DZIP1: variants seen among roughly 807,000 people sequenced by gnomAD.
The protein encoded by DZIP1 is cilium assembly protein DZIP1.
DZIP1 carries 97 observed loss-of-function variants against 107.6 expected under a neutral mutation model. That is an observed-to-expected ratio of 0.90 (90% confidence interval 0.77 to 1.07). The LOEUF is 1.07. Ranked by LOEUF, DZIP1 falls within the 50% of genes least tolerant of loss-of-function variation. DZIP1 has a pLI of 0.00. For missense variants in DZIP1, 1,035 were observed against 1,063.6 expected (o/e 0.97, Z 0.37); for synonymous variants, 390 against 386.4 (o/e 1.01, Z -0.11).
intron 8 of DZIP1, 32 bp downstream of exon 8, chr13:95,624,736 A>G: frequency 1.3e-6 from 2 of 1,563,854 alleles, no homozygotes; most frequent in South Asian, 2.3e-5. Context: ...AAGGCAATCA[A>G]TACCATAAGA....
chr13:95,610,590 G>A (rs1233756730), intron 12 of DZIP1, among the ~76,000 whole-genome samples: 10 of 152,254 alleles, frequency 6.6e-5, no homozygotes, highest in Admixed American at 5.9e-4. Flanking sequence ...TTACAAATGT[G>A]AGCAACTGTG....
At chr13:95,610,010 T>A (rs1031654893) in intron 12 of DZIP1, among the ~76,000 whole-genome samples, 1 of 152,080 alleles carries the variant, frequency 6.6e-6, no homozygotes, top group African/African-American at 2.4e-5. Flanking sequence ...TCTCTTTTTT[T>A]ATTTCTTTTG....
In DZIP1 at chr13:95,609,628, T is replaced by C. The variant is rs138283210; in HGVS notation, c.1364-115A>G. ...AAAACATAAATGAAATGTACCAATA[T>C]ATAGCACATCACCAGGAGAATAAAT... On this transcript the variant is annotated intron_variant, in intron 12 of 22. Transcript: ENST00000376829. 3.7e-3 allele frequency: 2,005 copies of C among 549,180 alleles called. 32 individuals are homozygous for C. The highest frequency in any genetic ancestry group is 0.035 in the African/African-American group (1,806 of 51,352). The allele number at this position is 549,180 out of a possible 1,614,324, so 34.0% of individuals were successfully genotyped here.
At chr13:95,618,937 G>A (rs1875479901) in intron 10 of DZIP1, among the ~76,000 whole-genome samples, 1 of 152,126 alleles carries the variant, frequency 6.6e-6, no homozygotes, top group Non-Finnish European at 1.5e-5. Flanking sequence ...TTGCACTAGT[G>A]TAAACACATT....
At chr13:95,620,086 C>T in intron 9 of DZIP1, 139 bp from the exon 10 acceptor site, 3 of 817,076 alleles carry the variant, frequency 3.7e-6, no homozygotes, top group Admixed American at 2.5e-5. Flanking sequence ...CAGTTTGGCT[C>T]TCGGTCCCCA....
chr13:95,631,751 T>C (rs1295437932), intron 6 of DZIP1, among the ~76,000 whole-genome samples: 1 of 152,110 alleles, frequency 6.6e-6, no homozygotes, highest in Non-Finnish European at 1.5e-5. Flanking sequence ...CACATTTCTG[T>C]CCAGATGAAG....
Position 95,581,941 on chromosome 13 carries a change from TAACAC to T in DZIP1, c.*288_*292del, listed in dbSNP as rs2044019432. On this transcript the variant is annotated 3_prime_UTR_variant, in exon 23 of 23. Transcript: ENST00000376829. ...AAAAATTAGTTGAAAAAAATACACT[TAACAC>T]TAGAGTACCTTTCTGAAGAAAAAAC... 3.9e-6 allele frequency: 1 copy of T among 258,840 alleles called. No individual in the cohort carries two copies. The highest frequency in any genetic ancestry group is 2.2e-5 in the African/African-American group (1 of 45,302). The allele number at this position is 258,840 out of a possible 1,614,324, so 16.0% of individuals were successfully genotyped here.
At position 95,630,020 on chromosome 13, in the gene DZIP1, G is replaced by C; in HGVS notation, c.779C>G (p.Ala260Gly). The C allele has an allele frequency of 6.2e-7, 1 of 1,613,492 alleles. No individual in the cohort carries two copies. Among genetic ancestry groups the C allele is most frequent in the Non-Finnish European group, 8.5e-7 (1 of 1,179,778 alleles). ...LQLTRSELEAAHHASAVRFSK... is the reference protein window; with the variant it reads ...LQLTRSELEAGHHASAVRFSK... Reference sequence around the variant, plus strand: ...GAATCTGACTGCACTGGCATGGTGTGCAGCCTCTAGCTCAGACCTGGTGAG... The same window carrying C: ...GAATCTGACTGCACTGGCATGGTGTCCAGCCTCTAGCTCAGACCTGGTGAG... The change falls in exon 7 of 23, where the codon GCA becomes GGA. Residue 260 changes from alanine (A) to glycine (G), a missense_variant. Coordinates refer to ENST00000376829, the MANE Select transcript of DZIP1 (RefSeq NM_198968.4).
chr13:95,633,973 C>T (rs1877507127), intron 5 of DZIP1, among the ~76,000 whole-genome samples: 1 of 152,126 alleles, frequency 6.6e-6, no homozygotes, highest in Admixed American at 6.6e-5. Context: ...GGCATTCCTC[C>T]CAAACTGAAG....
rs1309096694 is a variant in DZIP1, at chr13:95,633,452, G to C, written c.598-131C>G. On this transcript the variant is annotated intron_variant, in intron 5 of 22. Coordinates refer to ENST00000376829, the MANE Select transcript of DZIP1 (RefSeq NM_198968.4). ...AATCCCAGCACTTTAGGAGGTCAAG[G>C]TAGGCAGATCACCCAAGGTTAGAAG... 5 of 710,180 alleles carry C rather than the reference G, an allele frequency of 7.0e-6. No homozygotes were observed. In the African/African-American group the frequency reaches 9.0e-5, roughly 13 times the overall value. 44.0% of individuals were successfully genotyped at this position (710,180 alleles called of 1,614,324 possible).
chr13:95,582,229 T>G lies in DZIP1; in HGVS notation c.*5A>C, dbSNP rs780528551. On this transcript the variant is annotated 3_prime_UTR_variant, in exon 23 of 23. Coordinates refer to ENST00000376829, the MANE Select transcript of DZIP1 (RefSeq NM_198968.4). ...GCTTCTGGAATAATCTTCTGACATGTGGAATTAGACATCTGAAGTGTCGCT... is the reference window on the plus strand; with the variant it reads ...GCTTCTGGAATAATCTTCTGACATGGGGAATTAGACATCTGAAGTGTCGCT... 16 of 1,613,500 alleles carry G rather than the reference T, an allele frequency of 9.9e-6. No individual in the cohort carries two copies. Among genetic ancestry groups the G allele is most frequent in the Non-Finnish European group, 1.4e-5 (16 of 1,179,444 alleles).
At chr13:95,604,875 C>A (rs1233465036) in intron 14 of DZIP1, among the ~76,000 whole-genome samples, 1 of 152,152 alleles carries the variant, frequency 6.6e-6, no homozygotes, top group Non-Finnish European at 1.5e-5. Context: ...AGAATGATTG[C>A]TAGATACTTT....
intron 13 of DZIP1, among the ~76,000 whole-genome samples, chr13:95,608,466 T>G (rs2044858630): frequency 6.6e-6 from 1 of 152,158 alleles, no homozygotes; most frequent in Admixed American, 6.5e-5. Flanking sequence ...TTTTTTGGTT[T>G]TTTTTCCTGC....
chr13:95,584,183 G>A (rs2044084449), intron 22 of DZIP1, among the ~76,000 whole-genome samples: 1 of 151,260 alleles, frequency 6.6e-6, no homozygotes, highest in Admixed American at 6.6e-5. Flanking sequence ...CACCATGTTG[G>A]CCAGGATGGT....
At chr13:95,636,271 A>G (rs1370366327) in intron 5 of DZIP1, among the ~76,000 whole-genome samples, 4 of 151,914 alleles carry the variant, frequency 2.6e-5, no homozygotes, top group African/African-American at 9.6e-5. Context: ...GGCCGGGTGC[A>G]GTGGCTCACG....
Position 95,581,979 on chromosome 13 carries a change from G to A in DZIP1, c.*255C>T, listed in dbSNP as rs147736075. On this transcript the variant is annotated 3_prime_UTR_variant, in exon 23 of 23. Transcript: ENST00000376829. ...CCTTTCTGAAGAAAAAACTTTTTAT[G>A]ACTTCAATGACATGTTATTTTTAAG... The A allele has an allele frequency of 7.2e-4, 242 of 338,312 alleles. No homozygotes were observed. Among genetic ancestry groups the A allele is most frequent in the Non-Finnish European group, 8.9e-4 (167 of 187,722 alleles). 21.0% of individuals were successfully genotyped at this position (338,312 alleles called of 1,614,324 possible).
chr13:95,582,519 C>T (rs1274754592), intron 22 of DZIP1, among the ~76,000 whole-genome samples: 1 of 152,148 alleles, frequency 6.6e-6, no homozygotes, highest in Non-Finnish European at 1.5e-5. Flanking sequence ...CTCTAGGATA[C>T]ACTCAGGACC....
intron 14 of DZIP1, among the ~76,000 whole-genome samples, chr13:95,600,255 C>T (rs1007016839): frequency 1.3e-4 from 20 of 152,106 alleles, no homozygotes; most frequent in Non-Finnish European, 2.5e-4. Context: ...GGATGAAATG[C>T]AACCAGCAAA....
rs74546994 is a variant in DZIP1 at position 95,604,848 on chromosome 13, T to A, written c.1477+1155A>T. Among the ~76,000 whole-genome samples, 18 of 152,332 alleles carry A rather than the reference T, an allele frequency of 1.2e-4. 1 individual carries two copies. The East Asian group carries it at 3.5e-3, about 29-fold the overall frequency. Reference sequence around the variant, plus strand: ...CAACAGAGAGATTTTAGACCTGACATAAAATAATATGAATACAGAATGATT... The same window carrying A: ...CAACAGAGAGATTTTAGACCTGACAAAAAATAATATGAATACAGAATGATT... On this transcript the variant is annotated intron_variant, in intron 14 of 22. Transcript: ENST00000376829.
Sources: gnomAD v4.1 joint callset for allele counts (sites outside exome capture counted in the v4.1 genomes callset) on GRCh38, gnomAD v4.1.1 for gene constraint, MANE v1.5 for transcripts, NCBI Gene and HGNC (gene_info 2026-07-23, HGNC 2026-07-21) for gene names.